The following ZCCHC7 variants were observed in gnomAD, a reference collection of about 807,000 sequenced individuals.
ZCCHC7 encodes the protein zinc finger CCHC-type containing 7.
ZCCHC7 carries 35 observed loss-of-function variants against 52.0 expected under a neutral mutation model. The observed-to-expected ratio is 0.67, with a 90% CI of 0.51 to 0.89. ZCCHC7 has a LOEUF of 0.89. ZCCHC7 is among the 40% of genes least tolerant of loss of function. The pLI is 0.00. For synonymous variants in ZCCHC7, 217 were observed against 221.5 expected (o/e 0.98, Z 0.18); for missense variants, 574 against 649.1 (o/e 0.88, Z 1.26).
At chr9:37,249,456 C>CTTTTTTTTTTTTTTTTTTTTTTTTTT (rs60166399) in intron 2 of ZCCHC7, among the ~76,000 whole-genome samples, 3 of 111,266 alleles carry the variant, frequency 2.7e-5, no homozygotes, top group Non-Finnish European at 5.2e-5. Flanking sequence ...CTTCTTCTTC[C>CTTTTTTTTTTTTTTTTTTTTTTTTTT]TTTTTTTTTT....
intron 2 of ZCCHC7, among the ~76,000 whole-genome samples, chr9:37,160,695 G>T (rs35936558): frequency 0.2 from 30,283 of 151,856 alleles, 3,277 homozygotes; most frequent in Non-Finnish European, 0.25. Context: ...AGACCAGCCC[G>T]GCCAATGTGT....
chr9:37,276,278 T>C (rs1827680652), intron 2 of ZCCHC7, among the ~76,000 whole-genome samples: 1 of 152,230 alleles, frequency 6.6e-6, no homozygotes, highest in South Asian at 2.1e-4. Context: ...CTTTATATGT[T>C]GGACAGATAT....
At chr9:37,153,102 C>G (rs1792262321) in intron 2 of ZCCHC7, among the ~76,000 whole-genome samples, 1 of 151,888 alleles carries the variant, frequency 6.6e-6, no homozygotes, top group African/African-American at 2.4e-5. Context: ...CTTTAATATA[C>G]TCCTATCTTT....
intron 2 of ZCCHC7, among the ~76,000 whole-genome samples, chr9:37,199,138 C>G (rs1024778213): frequency 3.9e-5 from 6 of 152,034 alleles, no homozygotes; most frequent in African/African-American, 1.5e-4. Context: ...AAACATGCCC[C>G]AGATGATACT....
At chr9:37,202,559 G>A (rs964900637) in intron 2 of ZCCHC7, among the ~76,000 whole-genome samples, 10 of 152,136 alleles carry the variant, frequency 6.6e-5, no homozygotes, top group African/African-American at 2.2e-4. Context: ...GGAGCTTACT[G>A]TAACCTCCAC....
intron 2 of ZCCHC7, among the ~76,000 whole-genome samples, chr9:37,254,135 G>A (rs567812484): frequency 1.1e-3 from 170 of 152,116 alleles, no homozygotes; most frequent in African/African-American, 3.9e-3. Flanking sequence ...GGCAGTTATG[G>A]TGAGAACGTA....
At chr9:37,265,690 G>T (rs564473664) in intron 2 of ZCCHC7, among the ~76,000 whole-genome samples, 71 of 152,068 alleles carry the variant, frequency 4.7e-4, no homozygotes, top group Non-Finnish European at 2.9e-4. Context: ...TATTGCTGTT[G>T]GACTGATCTT....
intron 2 of ZCCHC7, among the ~76,000 whole-genome samples, chr9:37,274,327 A>ATTT (rs1827578044): frequency 4.7e-5 from 6 of 126,890 alleles, no homozygotes; most frequent in African/African-American, 2.0e-4. Context: ...ACCATATCTA[A>ATTT]TTTCTTTTTT....
At chr9:37,249,295 C>T (rs1486637181) in intron 2 of ZCCHC7, among the ~76,000 whole-genome samples, 1 of 152,058 alleles carries the variant, frequency 6.6e-6, no homozygotes, top group East Asian at 1.9e-4. Context: ...TGCTCTGGAA[C>T]ACAGTTCTTA....
At chr9:37,297,977 T>C (rs1217882890) in intron 2 of ZCCHC7, among the ~76,000 whole-genome samples, 2 of 152,234 alleles carry the variant, frequency 1.3e-5, no homozygotes, top group East Asian at 3.8e-4. Context: ...GAAATGTGAA[T>C]GCAGTCTGAT....
chr9:37,293,086 C>G (rs1564232695), intron 2 of ZCCHC7, among the ~76,000 whole-genome samples: 1 of 152,106 alleles, frequency 6.6e-6, no homozygotes, highest in Non-Finnish European at 1.5e-5. Context: ...ATGCCCATTT[C>G]AAGTGGAGTT....
intron 2 of ZCCHC7, chr9:37,205,296 G>A: frequency 4.9e-6 from 1 of 202,060 alleles, no homozygotes; most frequent in Non-Finnish European, 1.0e-5. Context: ...GATGTCTGCA[G>A]TATCACCTTT....
intron 2 of ZCCHC7, among the ~76,000 whole-genome samples, chr9:37,168,607 A>G (rs1488612388): frequency 1.3e-5 from 2 of 152,182 alleles, no homozygotes; most frequent in Non-Finnish European, 1.5e-5. Context: ...TATGTAAACA[A>G]AGTACCCAGG....
chr9:37,174,127 T>C (rs1821887077), intron 2 of ZCCHC7, among the ~76,000 whole-genome samples: 1 of 151,980 alleles, frequency 6.6e-6, no homozygotes, highest in Non-Finnish European at 1.5e-5. Context: ...GCCTGGCCGA[T>C]ATGGTGAAAC....
Position 37,153,945 on chromosome 9 carries a change from A to G in ZCCHC7, c.610+27003A>G, listed in dbSNP as rs556511549. On this transcript the variant is annotated intron_variant, in intron 2 of 8. Transcript: ENST00000336755. ...TGCTCTGTCATCCAGGCTAGAGTGCAGTGGTACAATCACGGTTCATTGCAG... is the reference window on the plus strand; with the variant it reads ...TGCTCTGTCATCCAGGCTAGAGTGCGGTGGTACAATCACGGTTCATTGCAG... Among the ~76,000 whole-genome samples the G allele has an allele frequency of 1.7e-4, 26 of 152,286 alleles. 1 individual carries two copies. In the East Asian group the frequency reaches 4.0e-3, roughly 24 times the overall value.
chr9:37,353,093 A>G (rs1403563645), intron 7 of ZCCHC7, among the ~76,000 whole-genome samples: 1 of 152,224 alleles, frequency 6.6e-6, no homozygotes, highest in African/African-American at 2.4e-5. Flanking sequence ...AAAGGTACTA[A>G]TAAACAATGA....
rs1055946601 is a variant in ZCCHC7 at position 37,127,595 on chromosome 9, A to G, written c.610+653A>G. Among the ~76,000 whole-genome samples the G allele has an allele frequency of 5.9e-5, 9 of 152,322 alleles. No individual in the cohort carries two copies. In the South Asian group the frequency reaches 1.9e-3, roughly 32 times the overall value. On this transcript the variant is annotated intron_variant, in intron 2 of 8. Coordinates refer to ENST00000336755, the MANE Select transcript of ZCCHC7 (RefSeq NM_032226.3). Reference sequence around the variant, plus strand: ...TCTAGTCTTAATGCTTATGCCTTCAAGAAGTTCCTTTTCATTTCCCTCCCT... The same window carrying G: ...TCTAGTCTTAATGCTTATGCCTTCAGGAAGTTCCTTTTCATTTCCCTCCCT...
chr9:37,157,131 G>T (rs551199687), intron 2 of ZCCHC7, among the ~76,000 whole-genome samples: 2 of 150,300 alleles, frequency 1.3e-5, no homozygotes, highest in Non-Finnish European at 3.0e-5. Flanking sequence ...GCCTCAGCAT[G>T]AATCAGTGCT....
intron 2 of ZCCHC7, among the ~76,000 whole-genome samples, chr9:37,256,206 CCA>C (rs1826578442): frequency 6.6e-6 from 1 of 151,938 alleles, no homozygotes; most frequent in Non-Finnish European, 1.5e-5. Flanking sequence ...GTTTTTTTCC[CCA>C]GATTGTCAAA....
Sources: gnomAD v4.1 joint callset for allele counts (sites outside exome capture counted in the v4.1 genomes callset) on GRCh38, gnomAD v4.1.1 for gene constraint, MANE v1.5 for transcripts, NCBI Gene and HGNC (gene_info 2026-07-23, HGNC 2026-07-21) for gene names.